The following WDR41 variants were observed in gnomAD, a reference collection of about 807,000 sequenced individuals.
WDR41 encodes the protein WD repeat domain 41, also known as WD repeat-containing protein 41.
In WDR41, 63 loss-of-function variants were observed where a neutral mutation model predicts 69.3. The observed-to-expected ratio is 0.91, with a 90% CI of 0.74 to 1.12. WDR41 has a LOEUF of 1.12. WDR41 is among the 50% of genes most tolerant of loss of function. The pLI is 0.00. For missense variants in WDR41, 543 were observed against 534.5 expected (o/e 1.02, Z -0.16); for synonymous variants, 185 against 192.1 (o/e 0.96, Z 0.31).
intron 3 of WDR41, among the ~76,000 whole-genome samples, chr5:77,464,487 T>C (rs1401842215): frequency 6.6e-6 from 1 of 151,872 alleles, no homozygotes; most frequent in Non-Finnish European, 1.5e-5. Context: ...CCCCAAGTTA[T>C]CCGTTCGCCT....
chr5:77,482,400 G>A (rs1581755834), intron 2 of WDR41, among the ~76,000 whole-genome samples: 1 of 152,038 alleles, frequency 6.6e-6, no homozygotes, highest in African/African-American at 2.4e-5. Flanking sequence ...TAGTACACTT[G>A]GTTGATTTAT....
chr5:77,528,442 C>A (rs1054937984), intron 1 of WDR41, among the ~76,000 whole-genome samples: 1 of 151,320 alleles, frequency 6.6e-6, no homozygotes, highest in Non-Finnish European at 1.5e-5. Flanking sequence ...CAGGCTAATT[C>A]CACCAAACAG....
At chr5:77,611,524 A>G (rs1294345113) in intron 1 of WDR41, among the ~76,000 whole-genome samples, 7 of 152,240 alleles carry the variant, frequency 4.6e-5, no homozygotes, top group Non-Finnish European at 8.8e-5. Context: ...GCTCAACTAC[A>G]TGGAAACTGA....
intron 2 of WDR41, among the ~76,000 whole-genome samples, chr5:77,476,076 T>C (rs537727929): frequency 1.3e-5 from 2 of 151,746 alleles, no homozygotes; most frequent in African/African-American, 4.8e-5. Flanking sequence ...GTATCAGCGA[T>C]GGAAGATGAA....
At chr5:77,433,381 T>TAAAG (rs1798803675) in intron 12 of WDR41, 94 bp from the exon 13 acceptor site, 1 of 1,129,020 alleles carries the variant, frequency 8.9e-7, no homozygotes, top group African/African-American at 1.6e-5. Context: ...ATATGTGCCT[T>TAAAG]AAAGACTCCT....
intron 1 of WDR41, among the ~76,000 whole-genome samples, chr5:77,543,043 A>G (rs1005170501): frequency 6.6e-6 from 1 of 152,332 alleles, no homozygotes; most frequent in East Asian, 1.9e-4. Flanking sequence ...GGCTAGATCC[A>G]GAAGAGAGAT....
At chr5:77,479,668 C>T (rs1236162055) in intron 2 of WDR41, among the ~76,000 whole-genome samples, 1 of 152,150 alleles carries the variant, frequency 6.6e-6, no homozygotes, top group East Asian at 1.9e-4. Flanking sequence ...ATACAAAAAT[C>T]AATTCAAGAT....
At chr5:77,470,560 C>T (rs1167981271) in intron 2 of WDR41, among the ~76,000 whole-genome samples, 2 of 151,846 alleles carry the variant, frequency 1.3e-5, no homozygotes, top group Non-Finnish European at 2.9e-5. Context: ...CACACATAGG[C>T]TCAAAATAAA....
chr5:77,607,989 T>C (rs904938773), intron 1 of WDR41, among the ~76,000 whole-genome samples: 1 of 152,194 alleles, frequency 6.6e-6, no homozygotes, highest in African/African-American at 2.4e-5. Context: ...CCACCTTATG[T>C]ATTTTTAAGC....
At chr5:77,569,392 T>G (rs574550699) in intron 1 of WDR41, among the ~76,000 whole-genome samples, 62 of 152,330 alleles carry the variant, frequency 4.1e-4, no homozygotes, top group African/African-American at 1.2e-3. Flanking sequence ...GAAACTCATA[T>G]TGTACTTTTT....
At chr5:77,547,494 A>T (rs186353127) in intron 1 of WDR41, among the ~76,000 whole-genome samples, 20 of 152,140 alleles carry the variant, frequency 1.3e-4, no homozygotes, top group Admixed American at 1.0e-3. Flanking sequence ...GCTGAGAATC[A>T]AATCAGGAAC....
At position 77,492,230 on chromosome 5, in the gene WDR41, G is replaced by T; in HGVS notation, c.-10C>A. 1 of 1,612,546 alleles carries T rather than the reference G, an allele frequency of 6.2e-7. No individual in the cohort carries two copies. Among genetic ancestry groups the T allele is most frequent in the South Asian group, 1.1e-5 (1 of 90,780 alleles). On this transcript the variant is annotated 5_prime_UTR_variant, in exon 1 of 13. Transcript: ENST00000296679. ...TCAGCCATCGCAACATCCGGGCAGC[G>T]GCGGCGTCTTGCCCGGTCCAGCCCC...
intron 6 of WDR41, chr5:77,452,672 C>T (rs138131915): frequency 6.6e-6 from 1 of 152,314 alleles, no homozygotes; most frequent in African/African-American, 2.4e-5. Context: ...CCAATAGTAA[C>T]CCATGGCCTT....
At chr5:77,606,653 A>G (rs1744425720) in intron 1 of WDR41, among the ~76,000 whole-genome samples, 1 of 151,980 alleles carries the variant, frequency 6.6e-6, no homozygotes, top group African/African-American at 2.4e-5. Flanking sequence ...CAATGAAAAA[A>G]TTATCCAGGT....
upstream of WDR41, chr5:77,492,623 T>G: frequency 4.8e-6 from 1 of 207,068 alleles, no homozygotes; most frequent in Non-Finnish European, 9.6e-6. Flanking sequence ...GCACGAAGAA[T>G]AATGCCCCTC....
chr5:77,486,527 T>C (rs1455138655), intron 2 of WDR41, among the ~76,000 whole-genome samples: 1 of 152,212 alleles, frequency 6.6e-6, no homozygotes, highest in African/African-American at 2.4e-5. Context: ...AGCTCCTAAC[T>C]TGCTTTGGCT....
intron 12 of WDR41, among the ~76,000 whole-genome samples, chr5:77,434,755 A>G (rs542529345): frequency 6.6e-6 from 1 of 152,160 alleles, no homozygotes; most frequent in East Asian, 1.9e-4. Flanking sequence ...CCTAGATTTT[A>G]TCAACGAAGC....
chr5:77,607,378 T>A lies in WDR41; in HGVS notation c.42+13101A>T, dbSNP rs529233164. Among the ~76,000 whole-genome samples, 4 of 152,356 alleles carry A rather than the reference T, an allele frequency of 2.6e-5. No homozygotes were observed. In the East Asian group the frequency reaches 7.7e-4, roughly 29 times the overall value. ...GAATAGAAATTAATGACTATTTCCA[T>A]ATTTTAAGCCTGGTAGCTAGATGAA... On this transcript the variant is annotated intron_variant, in intron 1 of 5. Coordinates refer to the WDR41 transcript ENST00000509971.
chr5:77,620,270 T>C (rs998810258), intron 1 of WDR41, among the ~76,000 whole-genome samples: 14 of 152,170 alleles, frequency 9.2e-5, no homozygotes, highest in African/African-American at 3.4e-4. Flanking sequence ...TTTTAATGAA[T>C]TAAGATAAAA....
Sources: gnomAD v4.1 joint callset for allele counts (sites outside exome capture counted in the v4.1 genomes callset) on GRCh38, gnomAD v4.1.1 for gene constraint, MANE v1.5 for transcripts, NCBI Gene and HGNC (gene_info 2026-07-23, HGNC 2026-07-21) for gene names.